DACH1: variants seen among roughly 807,000 people sequenced by gnomAD.
DACH1 encodes dachshund homolog 1.
DACH1 carries 12 observed loss-of-function variants against 54.2 expected under a neutral mutation model. The ratio of observed to expected loss-of-function variants is 0.22; its 90% CI spans 0.14 to 0.36. The LOEUF (loss-of-function observed/expected upper bound fraction) is 0.36. Among genes scored for constraint, DACH1 ranks in the 10% least tolerant of loss-of-function variants. The probability of loss-of-function intolerance (pLI) is 1.00; values close to 1 mark genes in which losing one functional copy is unlikely to be tolerated. For missense variants in DACH1, 805 were observed against 929.8 expected, an observed-to-expected ratio of 0.87 and a Z score of 1.75; for synonymous variants, 386 against 366.2, an observed-to-expected ratio of 1.05 and a Z score of -0.62.
intron 6 of DACH1, among the ~76,000 whole-genome samples, chr13:71,523,477 T>G (rs1245797802): frequency 2.0e-5 from 3 of 152,100 alleles, no homozygotes. Flanking sequence ...TCCAGTAAAC[T>G]GTCGTGAAAC....
chr13:71,707,163 C>A (rs557094605), intron 1 of DACH1, among the ~76,000 whole-genome samples: 1 of 152,156 alleles, frequency 6.6e-6, no homozygotes, highest in African/African-American at 2.4e-5. Flanking sequence ...GGGTGACAGG[C>A]ACATACATAC....
intron 2 of DACH1, among the ~76,000 whole-genome samples, chr13:71,631,363 CT>C (rs1363533445): frequency 2.0e-5 from 3 of 152,130 alleles, no homozygotes; most frequent in Admixed American, 6.6e-5. Flanking sequence ...TCTTCTCCCC[CT>C]GACCCACGTT....
chr13:71,725,696 T>A (rs1883438508), intron 1 of DACH1, among the ~76,000 whole-genome samples: 2 of 152,096 alleles, frequency 1.3e-5, no homozygotes, highest in South Asian at 4.1e-4. Context: ...GCTCCTTAAT[T>A]CACAATATTT....
intron 3 of DACH1, among the ~76,000 whole-genome samples, chr13:71,607,772 G>A (rs1874984539): frequency 6.6e-6 from 1 of 152,014 alleles, no homozygotes; most frequent in Non-Finnish European, 1.5e-5. Context: ...GGACTTTGTG[G>A]AGTGTTTAAA....
chr13:71,797,279 T>C (rs1427135518), intron 1 of DACH1, among the ~76,000 whole-genome samples: 2 of 152,082 alleles, frequency 1.3e-5, no homozygotes, highest in African/African-American at 4.8e-5. Context: ...CCCTGAAGGA[T>C]TTAGAAAAGA....
At chr13:71,458,849 A>AAAAC (rs1234901378) in intron 10 of DACH1, among the ~76,000 whole-genome samples, 1 of 151,922 alleles carries the variant, frequency 6.6e-6, no homozygotes, top group African/African-American at 2.4e-5. Flanking sequence ...AGCTATATTA[A>AAAAC]AAACAATTAA....
In DACH1 at chr13:71,672,768, CAT is replaced by C. The variant is rs1174726080; in HGVS notation, c.964+9025_964+9026del. Among the ~76,000 whole-genome samples, 13 of 152,234 alleles carry C rather than the reference CAT, an allele frequency of 8.5e-5. 1 individual carries two copies. In the East Asian group the frequency reaches 2.1e-3, roughly 25 times the overall value. ...AATTATAGCGAGCAATAAAAGACAA[CAT>C]GTGGCACATCCACAATGTAACCAAG... On this transcript the variant is annotated intron_variant, in intron 2 of 10. Coordinates refer to ENST00000613252, the MANE Select transcript of DACH1 (RefSeq NM_080759.6).
chr13:71,732,036 C>T (rs1198098322), intron 1 of DACH1, among the ~76,000 whole-genome samples: 5 of 152,144 alleles, frequency 3.3e-5, no homozygotes, highest in African/African-American at 1.2e-4. Context: ...ATACATTGAC[C>T]TTTATAAAAC....
intron 10 of DACH1, among the ~76,000 whole-genome samples, chr13:71,464,902 T>C (rs1876427539): frequency 6.6e-6 from 1 of 152,080 alleles, no homozygotes; most frequent in South Asian, 2.1e-4. Flanking sequence ...GAGCTCATTC[T>C]TGGACAAGGT....
intron 1 of DACH1, among the ~76,000 whole-genome samples, chr13:71,785,626 G>GA (rs1461835704): frequency 1.6e-4 from 24 of 152,156 alleles, no homozygotes; most frequent in African/African-American, 5.1e-4. Context: ...CAATATAGCT[G>GA]AAAAGACTCT....
chr13:71,785,319 A>G (rs1364348489), intron 1 of DACH1, among the ~76,000 whole-genome samples: 1 of 152,180 alleles, frequency 6.6e-6, no homozygotes, highest in Non-Finnish European at 1.5e-5. Flanking sequence ...TTCAATGAAA[A>G]AAAGTAAATT....
chr13:71,699,012 G>T (rs1469361310), intron 1 of DACH1, among the ~76,000 whole-genome samples: 1 of 152,088 alleles, frequency 6.6e-6, no homozygotes, highest in Non-Finnish European at 1.5e-5. Context: ...ATGTACAGAA[G>T]ACCTTTATTT....
intron 2 of DACH1, among the ~76,000 whole-genome samples, chr13:71,654,040 T>C (rs1402236273): frequency 1.3e-5 from 2 of 152,176 alleles, no homozygotes; most frequent in Admixed American, 6.5e-5. Flanking sequence ...AACACAAGCA[T>C]ACACTATTTT....
rs1171353540 is a variant in DACH1 at position 71,438,430 on chromosome 13, C to T, written c.*2225G>A. On this transcript the variant is annotated 3_prime_UTR_variant, in exon 11 of 11. Coordinates refer to ENST00000613252, the MANE Select transcript of DACH1 (RefSeq NM_080759.6). ...AAATTAAGTTACAGACTTACAATAA[C>T]ATTTCATGAATTGTAATATTTACAA... 2 of 152,382 alleles carry T rather than the reference C, an allele frequency of 1.3e-5. No homozygotes were observed. The highest frequency in any genetic ancestry group is 2.4e-5 in the African/African-American group (1 of 41,420). 9.4% of individuals were successfully genotyped at this position (152,382 alleles called of 1,614,324 possible).
At chr13:71,834,003 AT>A (rs1330589712) in intron 1 of DACH1, among the ~76,000 whole-genome samples, 6 of 152,046 alleles carry the variant, frequency 3.9e-5, no homozygotes, top group African/African-American at 1.4e-4. Flanking sequence ...GATGAAAAAA[AT>A]GTTTAACTTT....
intron 1 of DACH1, among the ~76,000 whole-genome samples, chr13:71,836,542 T>C (rs1184977089): frequency 1.3e-5 from 2 of 152,100 alleles, no homozygotes; most frequent in Non-Finnish European, 2.9e-5. Flanking sequence ...AATGTAATAT[T>C]TTCCTACTTG....
At chr13:71,613,880 T>A (rs534480442) in intron 3 of DACH1, among the ~76,000 whole-genome samples, 11 of 151,134 alleles carry the variant, frequency 7.3e-5, no homozygotes, top group African/African-American at 2.7e-4. Context: ...CCCAGCTAAT[T>A]TTTGTATTTT....
At chr13:71,494,847 AACTG>A (rs553149862) in intron 6 of DACH1, among the ~76,000 whole-genome samples, 5 of 152,246 alleles carry the variant, frequency 3.3e-5, no homozygotes, top group African/African-American at 1.2e-4. Context: ...ACTTATCAAT[AACTG>A]ACTATCAGTA....
At chr13:71,555,344 T>C (rs1884170683) in intron 6 of DACH1, among the ~76,000 whole-genome samples, 2 of 151,742 alleles carry the variant, frequency 1.3e-5, no homozygotes, top group African/African-American at 4.8e-5. Flanking sequence ...ATTTTTCTTA[T>C]CTTTTCTTTT....
Sources: gnomAD v4.1 joint callset for allele counts (sites outside exome capture counted in the v4.1 genomes callset) on GRCh38, gnomAD v4.1.1 for gene constraint, MANE v1.5 for transcripts, NCBI Gene and HGNC (gene_info 2026-07-23, HGNC 2026-07-21) for gene names.